The following OSMR variants were observed in gnomAD, a reference collection of about 807,000 sequenced individuals.
The protein encoded by OSMR is oncostatin-M-specific receptor subunit beta.
A neutral mutation model predicts 99.9 loss-of-function variants in OSMR; 81 were observed. That is an observed-to-expected ratio of 0.81 (90% confidence interval 0.68 to 0.97). The LOEUF (loss-of-function observed/expected upper bound fraction) is 0.97. Among genes scored for constraint, OSMR ranks in the 50% least tolerant of loss-of-function variants. OSMR has a pLI of 0.00. For missense variants in OSMR, 1,099 were observed against 1,153.4 expected (o/e 0.95, Z 0.68); for synonymous variants, 406 against 410.4 (o/e 0.99, Z 0.13).
intron 1 of OSMR, among the ~76,000 whole-genome samples, chr5:38,861,723 CA>C (rs1382108899): frequency 1.3e-5 from 2 of 150,730 alleles, no homozygotes; most frequent in Non-Finnish European, 1.5e-5. Context: ...ACCTCGCGGA[CA>C]GGGGGGCTGG....
chr5:38,941,315 C>T (rs1315959131), intron 1 of OSMR: 1 of 211,268 alleles, frequency 4.7e-6, no homozygotes. Context: ...CAATAACAAG[C>T]TTTATTAATG....
chr5:38,943,032 A>G, intron 1 of OSMR: 2 of 1,261,636 alleles, frequency 1.6e-6, no homozygotes, highest in Non-Finnish European at 2.3e-6. Context: ...TTTTTCCTCC[A>G]AGGTATCACT....
intron 12 of OSMR, 78 bp from the exon 13 acceptor site, chr5:38,923,072 T>C (rs1746308851): frequency 6.3e-6 from 10 of 1,582,868 alleles, no homozygotes; most frequent in Middle Eastern, 3.7e-4. Flanking sequence ...CAACGTGTCA[T>C]GCCTTTTCAT....
intron 9 of OSMR, among the ~76,000 whole-genome samples, chr5:38,910,348 C>T (rs1745492029): frequency 1.3e-5 from 2 of 152,116 alleles, no homozygotes; most frequent in African/African-American, 4.8e-5. Flanking sequence ...ATAGTAAGGA[C>T]CTCAACTTGA....
At chr5:38,895,466 G>C (rs1303769103) in intron 7 of OSMR, among the ~76,000 whole-genome samples, 1 of 152,012 alleles carries the variant, frequency 6.6e-6, no homozygotes, top group Non-Finnish European at 1.5e-5. Flanking sequence ...CAGGTCTTTT[G>C]ACCATTTTAA....
intron 7 of OSMR, among the ~76,000 whole-genome samples, chr5:38,897,317 A>G (rs1297068496): frequency 1.3e-5 from 2 of 151,946 alleles, no homozygotes; most frequent in Admixed American, 6.6e-5. Context: ...TACAAGTTCA[A>G]ATTTGTTACT....
At chr5:38,938,780 C>T (rs1464220561), downstream of OSMR, 3 of 232,950 alleles carry the variant, frequency 1.3e-5, no homozygotes, top group Admixed American at 1.7e-4. Context: ...TGTAATGACA[C>T]TCTTGAGATT....
intron 9 of OSMR, among the ~76,000 whole-genome samples, chr5:38,906,354 ATTAC>A (rs1745231514): frequency 6.6e-6 from 1 of 152,148 alleles, no homozygotes; most frequent in Non-Finnish European, 1.5e-5. Flanking sequence ...GGAATTTTTT[ATTAC>A]TTCTGATCAC....
At chr5:38,855,308 G>A (rs532833758) in intron 1 of OSMR, among the ~76,000 whole-genome samples, 94 of 152,276 alleles carry the variant, frequency 6.2e-4, no homozygotes, top group African/African-American at 2.1e-3. Context: ...CTATGTGTAA[G>A]CACTGAGGAT....
At chr5:38,901,965 G>A (rs1744922928) in intron 7 of OSMR, among the ~76,000 whole-genome samples, 1 of 152,168 alleles carries the variant, frequency 6.6e-6, no homozygotes, top group African/African-American at 2.4e-5. Flanking sequence ...CAACACTTTT[G>A]TTTGGCTGTA....
intron 9 of OSMR, among the ~76,000 whole-genome samples, chr5:38,909,476 C>G (rs1388454327): frequency 6.6e-6 from 1 of 152,178 alleles, no homozygotes; most frequent in Non-Finnish European, 1.5e-5. Context: ...TTAAAGGCAG[C>G]TAGGGAGACA....
chr5:38,900,333 C>G (rs909480689), intron 7 of OSMR, among the ~76,000 whole-genome samples: 1 of 152,218 alleles, frequency 6.6e-6, no homozygotes, highest in Non-Finnish European at 1.5e-5. Flanking sequence ...GAATATCTTT[C>G]TTCCCCTTTT....
At position 38,934,980 on chromosome 5, in the gene OSMR, C is replaced by G. The variant is rs1746949080; in HGVS notation, c.*1536C>G. 1 of 152,018 alleles carries G rather than the reference C, an allele frequency of 6.6e-6. No individual in the cohort carries two copies. The highest frequency in any genetic ancestry group is 1.5e-5 in the Non-Finnish European group (1 of 68,096). 9.4% of individuals were successfully genotyped at this position (152,018 alleles called of 1,614,324 possible). ...CCTCCTGAGTAGCTGGGATTACAGGCATGCACCACCACACCCAGGTAATTT... is the reference window on the plus strand; with the variant it reads ...CCTCCTGAGTAGCTGGGATTACAGGGATGCACCACCACACCCAGGTAATTT... On this transcript the variant is annotated 3_prime_UTR_variant, in exon 18 of 18. Transcript: ENST00000274276.
At chr5:38,907,120 T>C (rs1745288602) in intron 9 of OSMR, among the ~76,000 whole-genome samples, 1 of 152,136 alleles carries the variant, frequency 6.6e-6, no homozygotes, top group Non-Finnish European at 1.5e-5. Context: ...ATGATATGAT[T>C]CTATACCTAG....
At chr5:38,928,518 G>T (rs531949975) in intron 15 of OSMR, among the ~76,000 whole-genome samples, 2 of 152,098 alleles carry the variant, frequency 1.3e-5, no homozygotes, top group African/African-American at 4.8e-5. Flanking sequence ...CCGAGCAAAG[G>T]GGGAAAAGCC....
At chr5:38,866,026 A>G (rs1212912316) in intron 1 of OSMR, among the ~76,000 whole-genome samples, 2 of 152,146 alleles carry the variant, frequency 1.3e-5, no homozygotes, top group Non-Finnish European at 1.5e-5. Flanking sequence ...TAGACTGGGC[A>G]TGTTAATCAC....
chr5:38,875,057 A>C (rs1320495203), intron 2 of OSMR, among the ~76,000 whole-genome samples: 1 of 152,258 alleles, frequency 6.6e-6, no homozygotes, highest in Non-Finnish European at 1.5e-5. Context: ...TTACCATTTA[A>C]ACGTAACGTT....
At chr5:38,943,115 A>AT (rs1747772581) in intron 1 of OSMR, 2 of 502,680 alleles carry the variant, frequency 4.0e-6, no homozygotes, top group Non-Finnish European at 7.0e-6. Context: ...AGAATATAAA[A>AT]TATTAAATAT....
At chr5:38,914,133 G>A (rs1007344199) in intron 9 of OSMR, among the ~76,000 whole-genome samples, 3 of 152,166 alleles carry the variant, frequency 2.0e-5, no homozygotes, top group Non-Finnish European at 2.9e-5. Flanking sequence ...TAATAACACA[G>A]TACCACAGAC....
Sources: allele counts gnomAD v4.1 joint callset (sites outside exome capture counted in the v4.1 genomes callset), GRCh38; gene constraint gnomAD v4.1.1; transcripts MANE v1.5; gene names NCBI Gene and HGNC (gene_info 2026-07-23, HGNC 2026-07-21).